Variants in FRYL observed in about 807,000 individuals in gnomAD.
FRYL encodes protein furry homolog-like.
Under a neutral mutation model 351.2 loss-of-function variants are expected in FRYL, and 150 were observed. That is an observed-to-expected ratio of 0.43 (90% confidence interval 0.37 to 0.49). The LOEUF is 0.49. Among genes scored for constraint, FRYL ranks in the 20% least tolerant of loss-of-function variants. The probability of loss-of-function intolerance (pLI) is 0.00; values close to 1 mark genes in which losing one functional copy is unlikely to be tolerated. For synonymous variants in FRYL, 1,153 were observed against 1,257.1 expected (o/e 0.92, Z 1.75); for missense variants, 3,036 against 3,619.3 (o/e 0.84, Z 4.13).
At chr4:48,752,366 CG>C (rs1773336653) in intron 1 of FRYL, among the ~76,000 whole-genome samples, 1 of 37,950 alleles carries the variant, frequency 2.6e-5, no homozygotes, top group African/African-American at 8.8e-5. Flanking sequence ...ATCTTGACTC[CG>C]GATCTGCCCC....
intron 3 of FRYL, among the ~76,000 whole-genome samples, chr4:48,658,214 A>G (rs1235081345): frequency 6.6e-6 from 1 of 152,180 alleles, no homozygotes; most frequent in Non-Finnish European, 1.5e-5. Context: ...TCAATTACTC[A>G]TTTGTAGGAA....
intron 1 of FRYL, among the ~76,000 whole-genome samples, chr4:48,745,143 T>C (rs1411425828): frequency 6.6e-6 from 1 of 152,130 alleles, no homozygotes; most frequent in African/African-American, 2.4e-5. Context: ...ATATATACAG[T>C]GGCTGTTGGT....
At position 48,522,926 on chromosome 4, in the gene FRYL, C is replaced by A; in HGVS notation, c.7496G>T (p.Ser2499Ile). 1 of 1,613,892 alleles carries A rather than the reference C, an allele frequency of 6.2e-7. No homozygotes were observed. The highest frequency in any genetic ancestry group is 1.1e-5 in the South Asian group (1 of 91,076). The change falls in exon 54 of 64, where the codon AGC becomes ATC. Residue 2499 changes from serine (S) to isoleucine (I), a missense_variant. Physicochemically the swap from Ser to Ile is moderately radical, Grantham distance 142. Coordinates refer to ENST00000358350, the MANE Select transcript of FRYL (RefSeq NM_015030.2). ...SSEEEAALTA[S>I]QILSRTQMLN... ...CATCTGTGTGCGTGAGAGTATCTGG[C>A]TTGCTGTAAGTGCCGCTTCTTCTTC...
Position 48,540,679 on chromosome 4 carries a change from A to G in FRYL, c.5969T>C (p.Val1990Ala). Residue 1990 changes from valine (V) to alanine (A), a missense_variant, in exon 46 of 64, where the codon GTG (valine) becomes GCG (alanine). Physicochemically the swap from Val to Ala is moderately conservative, Grantham distance 64. Transcript: ENST00000358350. The stretch of plus-strand genomic sequence containing the variant: ...GTTGGTAGGCTCAGTAGTGGACTGC[A>G]CGTCATACATTCCTTTCTCTCTTAG... ...SSLREKGMYD[V>A]QSTTEPTNLM... The G allele has an allele frequency of 6.2e-7, 1 of 1,613,914 alleles. No individual in the cohort carries two copies. Among genetic ancestry groups the G allele is most frequent in the East Asian group, 2.2e-5 (1 of 44,890 alleles).
chr4:48,615,079 G>A (rs1448258533), intron 7 of FRYL, among the ~76,000 whole-genome samples: 2 of 152,086 alleles, frequency 1.3e-5, no homozygotes, highest in African/African-American at 2.4e-5. Flanking sequence ...ACCCGTCTCG[G>A]CCTCACAAAG....
At chr4:48,521,276 T>C (rs1724833810) in intron 54 of FRYL, 61 bp from the exon 55 acceptor site, 1 of 1,243,268 alleles carries the variant, frequency 8.0e-7, no homozygotes, top group Admixed American at 2.1e-5. Context: ...CAGGAAACAT[T>C]CTCTATCATA....
chr4:48,738,480 G>A (rs936665527), intron 1 of FRYL, among the ~76,000 whole-genome samples: 3 of 152,038 alleles, frequency 2.0e-5, no homozygotes, highest in Admixed American at 6.6e-5. Flanking sequence ...TTCATGGATA[G>A]GAAGACTCAA....
At chr4:48,685,411 G>C (rs1765047053) in intron 2 of FRYL, among the ~76,000 whole-genome samples, 1 of 151,920 alleles carries the variant, frequency 6.6e-6, no homozygotes, top group African/African-American at 2.4e-5. Context: ...CCTTTCTTCT[G>C]TATAGAGTGA....
chr4:48,548,935 T>C (rs1732061715), intron 39 of FRYL, 142 bp from the exon 40 acceptor site: 1 of 575,642 alleles, frequency 1.7e-6, no homozygotes. Flanking sequence ...GAAAAACAAA[T>C]ACAGCTGAAG....
chr4:48,698,248 C>T (rs1766392985), intron 2 of FRYL, among the ~76,000 whole-genome samples: 1 of 152,248 alleles, frequency 6.6e-6, no homozygotes, highest in African/African-American at 2.4e-5. Context: ...GCTCCTGTTA[C>T]CAGAAGACTT....
Position 48,553,652 on chromosome 4 carries a change from TAAAAAAAAAAAA to T in FRYL, c.4267-281_4267-270del, listed in dbSNP as rs948888541. ...TCCACTTTATGCACTTTCTTTACTT[TAAAAAAAAAAAA>T]AAAAAAAAACAAAAAAATACTTTTC... is the stretch of plus-strand genomic sequence containing the variant. On this transcript the variant is annotated intron_variant, in intron 35 of 63. Transcript: ENST00000358350. Among the ~76,000 whole-genome samples the T allele has an allele frequency of 6.2e-4, 66 of 107,296 alleles. 1 individual carries two copies. In the South Asian group the frequency reaches 0.012, roughly 20 times the overall value. The allele number at this position is 107,296 out of a possible 152,430, so 70.4% of individuals were successfully genotyped here. A position where few individuals can be genotyped will look rare whatever the true frequency, so the allele number is the denominator to read the frequency against.
At chr4:48,592,082 T>TATATA (rs888017807) in intron 16 of FRYL, among the ~76,000 whole-genome samples, 12 of 116,178 alleles carry the variant, frequency 1.0e-4, no homozygotes, top group African/African-American at 4.1e-4. Flanking sequence ...AATAAAGCTC[T>TATATA]TATATATATA....
At chr4:48,729,865 G>C (rs1166427440) in intron 1 of FRYL, among the ~76,000 whole-genome samples, 3 of 152,122 alleles carry the variant, frequency 2.0e-5, no homozygotes, top group Non-Finnish European at 4.4e-5. Context: ...TCGCCACCAA[G>C]GGAACAAAAC....
intron 59 of FRYL, among the ~76,000 whole-genome samples, chr4:48,507,307 A>AAGAC (rs1342204829): frequency 6.6e-6 from 1 of 152,198 alleles, no homozygotes; most frequent in Non-Finnish European, 1.5e-5. Context: ...CAGAGCATAC[A>AAGAC]AGACATGGTA....
chr4:48,588,757 TGTAA>T (rs1377374610), intron 18 of FRYL, among the ~76,000 whole-genome samples: 1 of 152,168 alleles, frequency 6.6e-6, no homozygotes, highest in African/African-American at 2.4e-5. Flanking sequence ...CCCACCCACC[TGTAA>T]GTAATAAAAT....
intron 19 of FRYL, among the ~76,000 whole-genome samples, chr4:48,584,397 T>C (rs776295043): frequency 2.5e-4 from 38 of 152,150 alleles, no homozygotes; most frequent in Non-Finnish European, 4.7e-4. Flanking sequence ...GAAGCCAACT[T>C]TCAACTGACA....
chr4:48,651,016 C>T (rs1757511115), intron 3 of FRYL, among the ~76,000 whole-genome samples: 1 of 152,094 alleles, frequency 6.6e-6, no homozygotes, highest in South Asian at 2.1e-4. Flanking sequence ...GGAGAGCATC[C>T]TATCATTCAA....
intron 7 of FRYL, among the ~76,000 whole-genome samples, chr4:48,611,637 T>C (rs1302912868): frequency 1.3e-5 from 2 of 152,166 alleles, no homozygotes; most frequent in South Asian, 4.1e-4. Context: ...TGTTCTTCCA[T>C]ATTCCATCTA....
At chr4:48,611,152 T>C (rs1311417591) in intron 7 of FRYL, among the ~76,000 whole-genome samples, 1 of 152,048 alleles carries the variant, frequency 6.6e-6, no homozygotes, top group Admixed American at 6.6e-5. Flanking sequence ...AAGTTCCTGA[T>C]ATAAAATGGT....
Sources: gnomAD v4.1 joint callset for allele counts (sites outside exome capture counted in the v4.1 genomes callset) on GRCh38, gnomAD v4.1.1 for gene constraint, MANE v1.5 for transcripts, NCBI Gene and HGNC (gene_info 2026-07-23, HGNC 2026-07-21) for gene names.